Variants in GPBP1 observed in about 807,000 individuals in gnomAD.
GPBP1 encodes the protein GC-rich promoter binding protein 1, also known as vasculin.
GPBP1 carries 13 observed loss-of-function variants against 56.5 expected under a neutral mutation model. The ratio of observed to expected loss-of-function variants is 0.23; its 90% CI spans 0.15 to 0.37. The LOEUF (loss-of-function observed/expected upper bound fraction) is 0.37, where lower values mean the gene tolerates loss of function less well. Ranked by LOEUF, GPBP1 falls within the 10% of genes least tolerant of loss-of-function variation. The probability of loss-of-function intolerance (pLI) is 1.00; values close to 1 mark genes in which losing one functional copy is unlikely to be tolerated. For missense variants in GPBP1, 477 were observed against 572.3 expected, an observed-to-expected ratio of 0.83 and a Z score of 1.70; for synonymous variants, 204 against 188.9, an observed-to-expected ratio of 1.08 and a Z score of -0.66.
intron 10 of GPBP1, among the ~76,000 whole-genome samples, chr5:57,257,184 G>A (rs1353241379): frequency 6.6e-6 from 1 of 151,846 alleles, no homozygotes; most frequent in Admixed American, 6.6e-5. Flanking sequence ...ACAGGCACCC[G>A]CCACAACACC....
At chr5:57,204,608 T>C (rs566235509) in intron 2 of GPBP1, among the ~76,000 whole-genome samples, 40 of 152,304 alleles carry the variant, frequency 2.6e-4, no homozygotes, top group Admixed American at 4.6e-4. Flanking sequence ...TCTGAAAATT[T>C]TGGGTCAGTT....
At chr5:57,203,488 A>G (rs1334913240) in intron 2 of GPBP1, among the ~76,000 whole-genome samples, 1 of 152,090 alleles carries the variant, frequency 6.6e-6, no homozygotes, top group African/African-American at 2.4e-5. Context: ...ATACAAAAAA[A>G]TTTAGCCAGG....
intron 8 of GPBP1, chr5:57,248,912 C>T (rs953883864): frequency 1.3e-5 from 2 of 152,360 alleles, no homozygotes; most frequent in African/African-American, 4.8e-5. Context: ...GTTTTGTGTT[C>T]CACTGTCAAA....
At chr5:57,174,820 T>A (rs1753726001) in intron 1 of GPBP1, among the ~76,000 whole-genome samples, 1 of 152,222 alleles carries the variant, frequency 6.6e-6, no homozygotes, top group South Asian at 2.1e-4. Context: ...GGGAGAAACC[T>A]GTTTTCTTAA....
intron 2 of GPBP1, among the ~76,000 whole-genome samples, chr5:57,192,232 AT>A (rs1180290094): frequency 1.3e-5 from 2 of 151,966 alleles, no homozygotes; most frequent in Non-Finnish European, 2.9e-5. Context: ...GGGTGCCTTA[AT>A]TTTTTTCTTT....
At chr5:57,180,161 C>T (rs1753977435) in intron 2 of GPBP1, among the ~76,000 whole-genome samples, 1 of 152,198 alleles carries the variant, frequency 6.6e-6, no homozygotes, top group East Asian at 1.9e-4. Context: ...GTCACCCAGG[C>T]TGGAAAGCAG....
intron 2 of GPBP1, among the ~76,000 whole-genome samples, chr5:57,204,058 T>C (rs1299108309): frequency 2.0e-5 from 3 of 152,202 alleles, no homozygotes; most frequent in Non-Finnish European, 4.4e-5. Context: ...TTAAGTACCA[T>C]TGAATCAGAA....
chr5:57,240,245 T>C (rs1740761175), intron 6 of GPBP1, among the ~76,000 whole-genome samples: 1 of 152,040 alleles, frequency 6.6e-6, no homozygotes, highest in African/African-American at 2.4e-5. Context: ...AGCAAGACTC[T>C]TTCTCCAAAG....
chr5:57,233,802 G>A (rs1002616911), intron 5 of GPBP1, among the ~76,000 whole-genome samples: 5 of 152,102 alleles, frequency 3.3e-5, no homozygotes, highest in African/African-American at 1.2e-4. Context: ...TGTTGTTCAA[G>A]GTTCAACTGT....
chr5:57,258,305 G>T (rs1741749103), intron 10 of GPBP1, among the ~76,000 whole-genome samples: 1 of 152,166 alleles, frequency 6.6e-6, no homozygotes, highest in South Asian at 2.1e-4. Context: ...GTCGTTAGGT[G>T]ATTTTGTCAT....
chr5:57,262,499 T>A lies in GPBP1; in HGVS notation c.1264-95T>A, dbSNP rs528196280. 8.0e-5 allele frequency: 76 copies of A among 954,954 alleles called. 1 individual carries two copies. The South Asian group carries it at 1.0e-3, about 13-fold the overall frequency. 59.2% of individuals were successfully genotyped at this position (954,954 alleles called of 1,614,324 possible). A position where few individuals can be genotyped will look rare whatever the true frequency, so the allele number is the denominator to read the frequency against. ...TATCATTACTTGTGTAGTTTTTGGG[T>A]TAGGATACAATTTTATTATATTCAT... On this transcript the variant is annotated intron_variant, in intron 11 of 11. Coordinates refer to ENST00000506184, the MANE Select transcript of GPBP1 (RefSeq NM_022913.4).
intron 4 of GPBP1, 34 bp downstream of exon 4, chr5:57,231,003 AT>A: frequency 6.3e-7 from 1 of 1,584,910 alleles, no homozygotes; most frequent in Non-Finnish European, 8.6e-7. Context: ...TTTATGGCTA[AT>A]TTTCTTTATG....
At chr5:57,251,231 G>A in intron 10 of GPBP1, 90 bp downstream of exon 10, 1 of 1,148,838 alleles carries the variant, frequency 8.7e-7, no homozygotes, top group Non-Finnish European at 1.2e-6. Flanking sequence ...CAGGTTTATT[G>A]GAATACAACT....
intron 8 of GPBP1, chr5:57,248,732 T>C (rs2111930617): frequency 6.6e-6 from 1 of 152,330 alleles, no homozygotes; most frequent in African/African-American, 2.4e-5. Context: ...CTATTTTTTA[T>C]TTATGATCTC....
At chr5:57,197,489 C>T (rs1202226396) in intron 2 of GPBP1, among the ~76,000 whole-genome samples, 2 of 151,120 alleles carry the variant, frequency 1.3e-5, no homozygotes, top group Non-Finnish European at 2.9e-5. Context: ...TCCCAAGTAG[C>T]TGGGATTACA....
At chr5:57,213,484 T>A (rs1346983097) in intron 2 of GPBP1, among the ~76,000 whole-genome samples, 1 of 151,460 alleles carries the variant, frequency 6.6e-6, no homozygotes, top group Non-Finnish European at 1.5e-5. Context: ...TTTTTTTTTT[T>A]AAGATTGATT....
chr5:57,252,161 A>T, intron 10 of GPBP1, among the ~76,000 whole-genome samples: 1 of 104,842 alleles, frequency 9.5e-6, no homozygotes. Context: ...GCACCTTTTG[A>T]GATGAGGTCT....
At chr5:57,206,920 C>T (rs1018799861) in intron 2 of GPBP1, among the ~76,000 whole-genome samples, 3 of 152,054 alleles carry the variant, frequency 2.0e-5, no homozygotes, top group African/African-American at 4.8e-5. Flanking sequence ...ACCTGGGCAA[C>T]GTAGACCCCA....
At chr5:57,191,047 G>T (rs538740985) in intron 2 of GPBP1, among the ~76,000 whole-genome samples, 1 of 151,674 alleles carries the variant, frequency 6.6e-6, no homozygotes, top group Non-Finnish European at 1.5e-5. Context: ...AAGTGCTGGG[G>T]TTACAGGTGT....
Sources: gnomAD v4.1 joint callset for allele counts (sites outside exome capture counted in the v4.1 genomes callset) on GRCh38, gnomAD v4.1.1 for gene constraint, MANE v1.5 for transcripts, NCBI Gene and HGNC (gene_info 2026-07-23, HGNC 2026-07-21) for gene names.